The following RASSF6 variants were observed in gnomAD, a reference collection of about 807,000 sequenced individuals.
RASSF6 encodes ras association domain-containing protein 6.
RASSF6 carries 52 observed loss-of-function variants against 44.0 expected under a neutral mutation model. The observed-to-expected ratio is 1.18, with a 90% CI of 0.95 to 1.49. The LOEUF (loss-of-function observed/expected upper bound fraction) is 1.49, where lower values mean the gene tolerates loss of function less well. RASSF6 is among the 40% of genes most tolerant of loss of function. The pLI is 0.00. For missense variants in RASSF6, 464 were observed against 393.3 expected, an observed-to-expected ratio of 1.18 and a Z score of -1.52; for synonymous variants, 162 against 124.6, an observed-to-expected ratio of 1.30 and a Z score of -2.00.
chr4:73,617,463 G>A (rs1226737579), intron 1 of RASSF6, among the ~76,000 whole-genome samples: 1 of 152,190 alleles, frequency 6.6e-6, no homozygotes, highest in African/African-American at 2.4e-5. Flanking sequence ...GGAATTACTG[G>A]TGTGGTGGAA....
At chr4:73,603,341 G>A (rs1343618682) in intron 2 of RASSF6, among the ~76,000 whole-genome samples, 3 of 152,084 alleles carry the variant, frequency 2.0e-5, no homozygotes, top group African/African-American at 7.2e-5. Flanking sequence ...TAAATTATAA[G>A]TTTCTCCAGG....
At chr4:73,606,490 T>C (rs141994335) in intron 2 of RASSF6, among the ~76,000 whole-genome samples, 1 of 152,168 alleles carries the variant, frequency 6.6e-6, no homozygotes, top group Non-Finnish European at 1.5e-5. Flanking sequence ...GGATGATGGG[T>C]TCATCCGTAC....
chr4:73,605,921 A>C (rs1725593217), intron 2 of RASSF6, among the ~76,000 whole-genome samples: 1 of 152,104 alleles, frequency 6.6e-6, no homozygotes, highest in Non-Finnish European at 1.5e-5. Context: ...TCTTCTTTTG[A>C]GAAGTGTCTG....
At chr4:73,595,978 A>G (rs1724913698) in intron 3 of RASSF6, among the ~76,000 whole-genome samples, 1 of 152,208 alleles carries the variant, frequency 6.6e-6, no homozygotes. Context: ...GAAAATTCTA[A>G]TGTCCCCTTT....
chr4:73,585,875 C>T (rs1367798811), intron 5 of RASSF6, among the ~76,000 whole-genome samples: 1 of 150,880 alleles, frequency 6.6e-6, no homozygotes, highest in East Asian at 1.9e-4. Context: ...GGGTAATGTG[C>T]ACAATGTGCA....
At chr4:73,587,702 T>G in intron 5 of RASSF6, 138 bp downstream of exon 5, 1 of 415,726 alleles carries the variant, frequency 2.4e-6, no homozygotes, top group African/African-American at 2.0e-5. Flanking sequence ...CTAAGATATT[T>G]AAAAATATAT....
intron 5 of RASSF6, among the ~76,000 whole-genome samples, chr4:73,585,817 T>G (rs551096884): frequency 2.0e-5 from 3 of 151,676 alleles, no homozygotes; most frequent in Non-Finnish European, 4.4e-5. Context: ...TGGATCCTTA[T>G]TTTTTTATTT....
intron 3 of RASSF6, 50 bp downstream of exon 3, chr4:73,598,590 G>A (rs768830711): frequency 4.9e-5 from 40 of 811,032 alleles, no homozygotes; most frequent in South Asian, 3.2e-4. Flanking sequence ...GTGTGTGCAC[G>A]CATGTGTGTG....
At chr4:73,620,205 G>A in intron 1 of RASSF6, 83 bp downstream of exon 1, 2 of 871,084 alleles carry the variant, frequency 2.3e-6, no homozygotes, top group African/African-American at 1.8e-5. Context: ...TGTTGCCTAT[G>A]GATTCTGCTT....
chr4:73,613,749 A>G (rs556363182), intron 1 of RASSF6, among the ~76,000 whole-genome samples: 117 of 152,242 alleles, frequency 7.7e-4, no homozygotes, highest in African/African-American at 2.8e-3. Context: ...GAGACAAACC[A>G]TGAATAACAA....
At chr4:73,591,613 C>A (rs1276386386) in intron 4 of RASSF6, among the ~76,000 whole-genome samples, 1 of 151,880 alleles carries the variant, frequency 6.6e-6, no homozygotes, top group Non-Finnish European at 1.5e-5. Flanking sequence ...TCATCAGGTA[C>A]CTGAAGTGAG....
Position 73,588,755 on chromosome 4 carries a change from AATAATT to A in RASSF6, c.288-827_288-822del, listed in dbSNP as rs147293376. Among the ~76,000 whole-genome samples, 380 of 149,052 alleles carry A rather than the reference AATAATT, an allele frequency of 2.5e-3. 1 individual carries two copies. Among genetic ancestry groups the A allele is most frequent in the African/African-American group, 9.2e-3 (373 of 40,498 alleles). On this transcript the variant is annotated intron_variant, in intron 4 of 10. Transcript: ENST00000307439. ...TAGTAAGCATTCAATATAGATTAAC[AATAATT>A]ATAATTATCCTCATCTCCATTGTCA...
At chr4:73,580,457 C>T (rs1723547920) in intron 8 of RASSF6, among the ~76,000 whole-genome samples, 1 of 151,292 alleles carries the variant, frequency 6.6e-6, no homozygotes, top group African/African-American at 2.4e-5. Flanking sequence ...CACTGACTTC[C>T]ACAATGGTTG....
At chr4:73,576,557 G>A in intron 9 of RASSF6, 50 bp from the exon 10 acceptor site, 7 of 1,551,354 alleles carry the variant, frequency 4.5e-6, no homozygotes, top group Non-Finnish European at 6.2e-6. Context: ...AATTATGCAA[G>A]AGGTGCTGAG....
chr4:73,597,670 A>G (rs1725020484), intron 3 of RASSF6, among the ~76,000 whole-genome samples: 1 of 152,246 alleles, frequency 6.6e-6, no homozygotes, highest in African/African-American at 2.4e-5. Context: ...ACATATTCAC[A>G]CATATGTTCA....
At position 73,620,059 on chromosome 4, in the gene RASSF6, C is replaced by T. The variant is rs115545734; in HGVS notation, c.-35+229G>A. 1.5e-3 allele frequency among the ~76,000 whole-genome samples: 231 copies of T among 152,074 alleles called. 1 individual carries two copies. The highest frequency in any genetic ancestry group is 5.1e-3 in the African/African-American group (210 of 41,478). ...TTTACCTCCAAGCCCTTCTCTGCACCCTTTCCCTCCCTTCTTTCCCCTCTC... is the reference window on the plus strand; with the variant it reads ...TTTACCTCCAAGCCCTTCTCTGCACTCTTTCCCTCCCTTCTTTCCCCTCTC... On this transcript the variant is annotated intron_variant, in intron 1 of 10. Transcript: ENST00000307439.
rs148323568 is a variant in RASSF6, at chr4:73,611,717, A to C, written c.65+14T>G. 6.0e-5 allele frequency: 91 copies of C among 1,528,300 alleles called. No homozygotes were observed. The East Asian group carries it at 2.0e-3, about 34-fold the overall frequency. 94.7% of individuals were successfully genotyped at this position (1,528,300 alleles called of 1,614,324 possible). Reference sequence around the variant, plus strand: ...GGTGAGTAGGACAATGTATAATATAAGGTGTGTGGTTACCTGGTTATGAAT... The same window carrying C: ...GGTGAGTAGGACAATGTATAATATACGGTGTGTGGTTACCTGGTTATGAAT... On this transcript the variant is annotated intron_variant, in intron 2 of 10. Coordinates refer to ENST00000307439, the MANE Select transcript of RASSF6 (RefSeq NM_177532.5).
chr4:73,574,908 T>C lies in RASSF6; in HGVS notation c.*1327A>G, dbSNP rs1723119005. On this transcript the variant is annotated 3_prime_UTR_variant, in exon 11 of 11. Coordinates refer to ENST00000307439, the MANE Select transcript of RASSF6 (RefSeq NM_177532.5). ...AATTTTAACTATTACATTTGCCTCA[T>C]TTAAGTGAGATGAGACTATTTTCTT... 2 of 152,138 alleles carry C rather than the reference T, an allele frequency of 1.3e-5. No homozygotes were observed. Among genetic ancestry groups the C allele is most frequent in the Non-Finnish European group, 2.9e-5 (2 of 68,010 alleles). The allele number at this position is 152,138 out of a possible 1,614,324, so 9.4% of individuals were successfully genotyped here.
rs114954190 is a variant in RASSF6, at chr4:73,578,917, C to T, written c.722-2186G>A. Among the ~76,000 whole-genome samples the T allele has an allele frequency of 4.0e-3, 605 of 152,016 alleles. 4 individuals are homozygous for T. Among genetic ancestry groups the T allele is most frequent in the African/African-American group, 0.014 (582 of 41,504 alleles). The stretch of plus-strand genomic sequence containing the variant: ...ATGAGCCACCGTGCCTGACACCCCC[C>T]TTCTCATCCTCTCATCTGCATTTCC... On this transcript the variant is annotated intron_variant, in intron 8 of 10. Transcript: ENST00000307439.
Sources: allele counts gnomAD v4.1 joint callset (sites outside exome capture counted in the v4.1 genomes callset), GRCh38; gene constraint gnomAD v4.1.1; transcripts MANE v1.5; gene names NCBI Gene and HGNC (gene_info 2026-07-23, HGNC 2026-07-21).